Variants in BTG4 observed in about 807,000 individuals in gnomAD.
BTG4 encodes the protein protein BTG4.
A neutral mutation model predicts 19.3 loss-of-function variants in BTG4; 10 were observed. The observed-to-expected ratio is 0.52, with a 90% CI of 0.32 to 0.88. The LOEUF is 0.88. Among genes scored for constraint, BTG4 ranks in the 40% least tolerant of loss-of-function variants. The pLI, the probability that BTG4 is intolerant of heterozygous loss-of-function variation, is 0.04. For synonymous variants in BTG4, 91 were observed against 95.7 expected (o/e 0.95, Z 0.29); for missense variants, 238 against 281.9 (o/e 0.84, Z 1.11).
downstream of BTG4, among the ~76,000 whole-genome samples, chr11:111,463,664 G>C (rs1367686844): frequency 6.6e-6 from 1 of 152,202 alleles, no homozygotes; most frequent in Non-Finnish European, 1.5e-5. Flanking sequence ...TGTAAGAAAT[G>C]ACCCTAAAAT....
chr11:111,465,683 T>C (rs771040431), downstream of BTG4, among the ~76,000 whole-genome samples: 2 of 152,122 alleles, frequency 1.3e-5, no homozygotes, highest in Non-Finnish European at 2.9e-5. Flanking sequence ...TGTTCAACAC[T>C]ATGAAGGCAG....
intron 1 of BTG4, among the ~76,000 whole-genome samples, chr11:111,509,366 A>G (rs1284462569): frequency 6.6e-6 from 1 of 152,186 alleles, no homozygotes; most frequent in African/African-American, 2.4e-5. Context: ...ATATGGTTTT[A>G]TATTTCCTAT....
the BTG4 span, among the ~76,000 whole-genome samples, chr11:111,426,954 G>A: frequency 6.6e-6 from 1 of 152,126 alleles, no homozygotes; most frequent in African/African-American, 2.4e-5. Flanking sequence ...AAACACAATT[G>A]ATTTACAATC....
the BTG4 span, among the ~76,000 whole-genome samples, chr11:111,407,216 A>G: frequency 1.3e-5 from 2 of 148,548 alleles, no homozygotes; most frequent in Non-Finnish European, 3.0e-5. Context: ...TATATAGTAT[A>G]TATATATAAT....
At chr11:111,386,788 T>C in the BTG4 span, among the ~76,000 whole-genome samples, 12 of 152,318 alleles carry the variant, frequency 7.9e-5, no homozygotes, top group East Asian at 2.3e-3. Context: ...CCGAAGCCCA[T>C]TGTTGCCTTC....
downstream of BTG4, among the ~76,000 whole-genome samples, chr11:111,493,558 C>T (rs573218374): frequency 4.6e-5 from 7 of 152,288 alleles, no homozygotes; most frequent in African/African-American, 1.7e-4. Context: ...CCAGAATTCA[C>T]CCACACACGT....
chr11:111,452,336 GGTCCCACTCT>G, the BTG4 span: 1 of 152,240 alleles, frequency 6.6e-6, no homozygotes, highest in Non-Finnish European at 1.5e-5. Context: ...GGCCGGCGTG[GGTCCCACTCT>G]GTCTTGTGGC....
At chr11:111,466,360 A>G (rs549477763), downstream of BTG4, among the ~76,000 whole-genome samples, 4 of 152,244 alleles carry the variant, frequency 2.6e-5, no homozygotes, top group Non-Finnish European at 5.9e-5. Context: ...TAGGGAAGTA[A>G]GATTCTTAAA....
At chr11:111,428,821 A>G in the BTG4 span, among the ~76,000 whole-genome samples, 1 of 152,168 alleles carries the variant, frequency 6.6e-6, no homozygotes, top group African/African-American at 2.4e-5. Context: ...CTTCAGCTTC[A>G]TGGCTGCCTC....
At position 111,495,273 on chromosome 11, in the gene BTG4, G is replaced by T; in HGVS notation, c.552C>A (p.Ile184=). Residue 184 remains isoleucine, a synonymous_variant, in exon 5 of 5, where the codon ATC becomes ATA. Transcript: ENST00000692032. ...LKQPFQSWLQ[I]PRKKNVVDGR... ...CGTCCACCACATTCTTTTTGCGGGG[G>T]ATTTGTAACCAAGATTGAAAGGGCT... The T allele has an allele frequency of 6.8e-6, 11 of 1,611,252 alleles. No homozygotes were observed. The highest frequency in any genetic ancestry group is 1.1e-5 in the South Asian group (1 of 90,462).
chr11:111,418,554 C>G, the BTG4 span, among the ~76,000 whole-genome samples: 26 of 152,286 alleles, frequency 1.7e-4, no homozygotes, highest in African/African-American at 5.5e-4. Context: ...TTCCAGAGGG[C>G]GGGACCAACG....
the BTG4 span, among the ~76,000 whole-genome samples, chr11:111,408,594 G>A: frequency 6.6e-6 from 1 of 152,202 alleles, no homozygotes; most frequent in African/African-American, 2.4e-5. Context: ...TCAAAACAGA[G>A]CACCTTTGCT....
chr11:111,442,606 AC>A, the BTG4 span, among the ~76,000 whole-genome samples: 1 of 151,908 alleles, frequency 6.6e-6, no homozygotes, highest in Admixed American at 6.6e-5. Flanking sequence ...AAAAACAACA[AC>A]AACAACAACA....
intron 5 of BTG4, among the ~76,000 whole-genome samples, chr11:111,476,360 G>A (rs1390835932): frequency 6.6e-6 from 1 of 152,014 alleles, no homozygotes; most frequent in East Asian, 1.9e-4. Context: ...ATCCATACAT[G>A]GCTGAGGATT....
downstream of BTG4, among the ~76,000 whole-genome samples, chr11:111,493,533 C>T (rs112383590): frequency 7.0e-4 from 107 of 152,220 alleles, no homozygotes; most frequent in African/African-American, 2.5e-3. Context: ...TTGTTTCTGC[C>T]CCATTATCTG....
At chr11:111,443,311 T>G in the BTG4 span, among the ~76,000 whole-genome samples, 9 of 152,194 alleles carry the variant, frequency 5.9e-5, no homozygotes, top group African/African-American at 2.2e-4. Flanking sequence ...CTGGATGTCA[T>G]ATGTGGTCCT....
At chr11:111,404,321 C>A in the BTG4 span, among the ~76,000 whole-genome samples, 1 of 152,180 alleles carries the variant, frequency 6.6e-6, no homozygotes, top group Non-Finnish European at 1.5e-5. Context: ...TGGACTAATA[C>A]ATCCATTTTA....
chr11:111,502,501 T>C (rs1591527228), intron 1 of BTG4, among the ~76,000 whole-genome samples: 1 of 152,188 alleles, frequency 6.6e-6, no homozygotes, highest in Non-Finnish European at 1.5e-5. Flanking sequence ...TTTCTAGCCA[T>C]TTGCTAGGGT....
At chr11:111,501,334 G>A (rs1194400574) in intron 1 of BTG4, among the ~76,000 whole-genome samples, 1 of 152,090 alleles carries the variant, frequency 6.6e-6, no homozygotes, top group African/African-American at 2.4e-5. Flanking sequence ...TTGTGTCACT[G>A]CACTCCAGCC....
Sources: allele counts gnomAD v4.1 joint callset (sites outside exome capture counted in the v4.1 genomes callset), GRCh38; gene constraint gnomAD v4.1.1; transcripts MANE v1.5; gene names NCBI Gene and HGNC (gene_info 2026-07-23, HGNC 2026-07-21).